The following PCDH7 variants were observed in gnomAD, a reference collection of about 807,000 sequenced individuals.
The protein encoded by PCDH7 is protocadherin 7, also known as protocadherin-7.
In PCDH7, 17 loss-of-function variants were observed where a neutral mutation model predicts 58.9. The observed-to-expected ratio is 0.29, with a 90% confidence interval of 0.20 to 0.43. PCDH7 has a LOEUF of 0.43. Ranked by LOEUF, PCDH7 falls within the 20% of genes least tolerant of loss-of-function variation. The probability of loss-of-function intolerance (pLI) is 1.00; values close to 1 mark genes in which losing one functional copy is unlikely to be tolerated. For synonymous variants in PCDH7, 664 were observed against 616.4 expected (o/e 1.08, Z -1.14); for missense variants, 1,274 against 1,441.0 (o/e 0.88, Z 1.88).
chr4:30,774,369 C>T (rs954319325), intron 1 of PCDH7, among the ~76,000 whole-genome samples: 1 of 152,096 alleles, frequency 6.6e-6, no homozygotes, highest in Admixed American at 6.5e-5. Context: ...TAAAGTATTA[C>T]TAAATAATAA....
chr4:31,055,587 T>C (rs1363132625), intron 3 of PCDH7, among the ~76,000 whole-genome samples: 2 of 152,084 alleles, frequency 1.3e-5, no homozygotes, highest in African/African-American at 4.8e-5. Context: ...TTTTTTGTTT[T>C]TTTGTTTTTG....
intron 1 of PCDH7, among the ~76,000 whole-genome samples, chr4:30,838,332 C>T (rs572189231): frequency 6.6e-6 from 1 of 152,040 alleles, no homozygotes; most frequent in Non-Finnish European, 1.5e-5. Context: ...TTTATTTTAA[C>T]TCAATGACTA....
At chr4:31,031,749 T>C (rs1325816427) in intron 3 of PCDH7, among the ~76,000 whole-genome samples, 4 of 152,210 alleles carry the variant, frequency 2.6e-5, no homozygotes, top group African/African-American at 9.6e-5. Context: ...TAAAAGGGCC[T>C]TTGGAAACAT....
chr4:31,019,537 A>C (rs1301771287), intron 3 of PCDH7, among the ~76,000 whole-genome samples: 2 of 152,096 alleles, frequency 1.3e-5, no homozygotes, highest in East Asian at 3.9e-4. Flanking sequence ...TCTACTAAAA[A>C]TACCAAAAAT....
At chr4:30,780,613 G>C (rs373988210) in intron 1 of PCDH7, among the ~76,000 whole-genome samples, 1 of 151,950 alleles carries the variant, frequency 6.6e-6, no homozygotes, top group East Asian at 1.9e-4. Context: ...TGAAGAACAG[G>C]CTCTTCTAGA....
At chr4:30,891,618 T>C (rs952113029) in intron 1 of PCDH7, among the ~76,000 whole-genome samples, 4 of 152,008 alleles carry the variant, frequency 2.6e-5, no homozygotes, top group African/African-American at 9.7e-5. Flanking sequence ...ATCCACTATT[T>C]TTCTCTTTTA....
chr4:31,061,751 G>A (rs1275368262), intron 3 of PCDH7, among the ~76,000 whole-genome samples: 1 of 151,620 alleles, frequency 6.6e-6, no homozygotes, highest in Non-Finnish European at 1.5e-5. Flanking sequence ...AATATTCAAA[G>A]TATGGAGATT....
chr4:30,748,245 AAGGGGTGGTGAGGCC>A (rs928162962), intron 1 of PCDH7, among the ~76,000 whole-genome samples: 2 of 152,146 alleles, frequency 1.3e-5, no homozygotes, highest in Non-Finnish European at 2.9e-5. Flanking sequence ...AGAGGCCGAG[AAGGGGTGGTGAGGCC>A]AGGCTTGAGA....
At chr4:31,056,492 A>AGAAG (rs1307664183) in intron 3 of PCDH7, among the ~76,000 whole-genome samples, 2 of 136,044 alleles carry the variant, frequency 1.5e-5, no homozygotes, top group Non-Finnish European at 3.2e-5. Context: ...AAAGAAAGAA[A>AGAAG]GAAAGAAAGA....
intron 3 of PCDH7, among the ~76,000 whole-genome samples, chr4:30,964,250 A>T (rs5857216): frequency 0.33 from 35,217 of 106,366 alleles, 5,062 homozygotes; most frequent in Middle Eastern, 0.41. Context: ...TTATTTATTT[A>T]TTTTTTTTTG....
At chr4:30,840,939 A>G (rs1193426838) in intron 1 of PCDH7, among the ~76,000 whole-genome samples, 2 of 152,020 alleles carry the variant, frequency 1.3e-5, no homozygotes, top group Admixed American at 6.6e-5. Context: ...ATATTCAAGG[A>G]AACACTGCCA....
At chr4:31,069,726 G>A (rs988477367) in intron 3 of PCDH7, among the ~76,000 whole-genome samples, 1 of 151,794 alleles carries the variant, frequency 6.6e-6, no homozygotes, top group African/African-American at 2.4e-5. Flanking sequence ...TAGACCACCT[G>A]TTCATGTGGC....
chr4:31,096,103 C>G lies in PCDH7; in HGVS notation c.*8-46370C>G, dbSNP rs138825292. ...ATTTCACTGATAAGATATAGCTCAT[C>G]ATGCAACACAGGCATATCATATGTG... On this transcript the variant is annotated intron_variant, in intron 3 of 3. Transcript: ENST00000509759. Among the ~76,000 whole-genome samples, 782 of 152,262 alleles carry G rather than the reference C, an allele frequency of 5.1e-3. 9 individuals carry two copies. Among genetic ancestry groups the G allele is most frequent in the African/African-American group, 0.018 (740 of 41,554 alleles).
In PCDH7 at chr4:31,029,536, T is replaced by A. The variant is rs77554824; in HGVS notation, c.*7+79321T>A. On this transcript the variant is annotated intron_variant, in intron 3 of 3. Transcript: ENST00000509759. ...ATTACTCCAGCATTTTCCTGGGAAA[T>A]AGCGGTGCTATTATAACGGTTTAGC... Among the ~76,000 whole-genome samples, 73 of 152,320 alleles carry A rather than the reference T, an allele frequency of 4.8e-4. 1 individual carries two copies. Among genetic ancestry groups the A allele is most frequent in the African/African-American group, 1.8e-3 (73 of 41,574 alleles).
chr4:31,078,966 G>C (rs1759242596), intron 3 of PCDH7, among the ~76,000 whole-genome samples: 1 of 151,754 alleles, frequency 6.6e-6, no homozygotes, highest in South Asian at 2.1e-4. Context: ...GAAAACAGTG[G>C]TCTGTTGACT....
chr4:30,727,263 T>C (rs1327637506), intron 1 of PCDH7, among the ~76,000 whole-genome samples: 3 of 151,952 alleles, frequency 2.0e-5, no homozygotes, highest in African/African-American at 7.2e-5. Flanking sequence ...GTTCTTATCT[T>C]CATGAAAATT....
chr4:31,071,535 A>G (rs768237209), intron 3 of PCDH7, among the ~76,000 whole-genome samples: 3 of 152,058 alleles, frequency 2.0e-5, no homozygotes, highest in Non-Finnish European at 4.4e-5. Context: ...AAAGAGTTGA[A>G]GGTTTTAGTA....
chr4:30,758,903 T>C (rs1719659270), intron 1 of PCDH7, among the ~76,000 whole-genome samples: 1 of 151,758 alleles, frequency 6.6e-6, no homozygotes. Context: ...GATATGTGGC[T>C]TACCTGTTTT....
chr4:30,731,068 A>G (rs762137352), exon 2 of PCDH7: 14 of 1,145,562 alleles, frequency 1.2e-5, no homozygotes, highest in Non-Finnish European at 1.5e-5. Flanking sequence ...CACCTATTAG[A>G]CGTAACAGTG....
Sources: gnomAD v4.1 joint callset for allele counts (sites outside exome capture counted in the v4.1 genomes callset) on GRCh38, gnomAD v4.1.1 for gene constraint, MANE v1.5 for transcripts, NCBI Gene and HGNC (gene_info 2026-07-23, HGNC 2026-07-21) for gene names.